Variants in TBCK observed in about 807,000 individuals in gnomAD.
The protein encoded by TBCK is TBC1 domain containing kinase, also known as TBC domain-containing protein kinase-like protein.
TBCK carries 99 observed loss-of-function variants against 113.4 expected under a neutral mutation model. That is an observed-to-expected ratio of 0.87 (90% CI 0.74 to 1.03). The LOEUF is 1.03. Among genes scored for constraint, TBCK ranks in the 50% least tolerant of loss-of-function variants. TBCK has a pLI of 0.00. For missense variants in TBCK, 1,045 were observed against 1,061.3 expected (o/e 0.98, Z 0.21); for synonymous variants, 369 against 370.8 (o/e 1.00, Z 0.05).
chr4:106,062,691 G>A (rs1417024932), intron 25 of TBCK, among the ~76,000 whole-genome samples: 1 of 151,826 alleles, frequency 6.6e-6, no homozygotes, highest in Non-Finnish European at 1.5e-5. Context: ...ATGGTGGGCT[G>A]TGGAGTACAG....
chr4:106,206,942 T>C (rs934146302), intron 20 of TBCK, among the ~76,000 whole-genome samples: 2 of 152,170 alleles, frequency 1.3e-5, no homozygotes, highest in African/African-American at 4.8e-5. Context: ...TCCTTATCAT[T>C]TCTCTTAATG....
chr4:106,107,873 A>G (rs1244525695), intron 24 of TBCK, among the ~76,000 whole-genome samples: 1 of 152,162 alleles, frequency 6.6e-6, no homozygotes, highest in Non-Finnish European at 1.5e-5. Flanking sequence ...AATTAACAAG[A>G]TAGGCCACTA....
At chr4:106,167,387 C>T (rs1750525086) in intron 23 of TBCK, among the ~76,000 whole-genome samples, 1 of 150,736 alleles carries the variant, frequency 6.6e-6, no homozygotes, top group African/African-American at 2.4e-5. Context: ...AAAAACAATG[C>T]TCAGAGGAAA....
Position 106,139,553 on chromosome 4 carries a change from T to C in TBCK, c.2236-23175A>G, listed in dbSNP as rs1286993832. Among the ~76,000 whole-genome samples the C allele has an allele frequency of 3.5e-5, 5 of 141,230 alleles. 2 individuals are homozygous for C. Among genetic ancestry groups the C allele is most frequent in the Admixed American group, 1.4e-4 (2 of 14,302 alleles). The allele number at this position is 141,230 out of a possible 152,430, so 92.7% of individuals were successfully genotyped here. A position where few individuals can be genotyped will look rare whatever the true frequency, so the allele number is the denominator to read the frequency against. ...ATCCCAGATGATTCTTACAAGAATA[T>C]AGCTACAGAAGCATCAATGTCTACA... On this transcript the variant is annotated intron_variant, in intron 23 of 25. Coordinates refer to ENST00000394708, the MANE Select transcript of TBCK (RefSeq NM_001163435.3).
intron 25 of TBCK, among the ~76,000 whole-genome samples, chr4:106,051,255 G>T (rs1734775769): frequency 1.3e-5 from 2 of 151,900 alleles, no homozygotes; most frequent in Non-Finnish European, 2.9e-5. Flanking sequence ...AGGAAACTAA[G>T]AAAGTTTGGG....
chr4:106,235,416 T>C (rs1206467236), intron 14 of TBCK, 49 bp from the exon 15 acceptor site: 1 of 1,302,882 alleles, frequency 7.7e-7, no homozygotes, highest in Non-Finnish European at 1.1e-6. Context: ...CCTAGTGCCA[T>C]CTTTTAGTCT....
rs746160750 is a variant in TBCK, at chr4:106,244,758, T to C, written c.938A>G (p.Asn313Ser). 1.9e-6 allele frequency: 3 copies of C among 1,574,562 alleles called. No individual in the cohort carries two copies. The highest frequency in any genetic ancestry group is 2.3e-5 in the East Asian group (1 of 44,394). The change falls in exon 11 of 26, where the codon AAT becomes AGT. Residue 313 changes from asparagine (N) to serine (S), a missense_variant. Physicochemically the swap from Asn to Ser is conservative, Grantham distance 46. Coordinates refer to ENST00000394708, the MANE Select transcript of TBCK (RefSeq NM_001163435.3). Reference sequence around the variant, plus strand: ...AGATCTTTCTGCCAGGTAATCATTATTTATATCTATTAAAAGCAAATTTAA... The same window carrying C: ...AGATCTTTCTGCCAGGTAATCATTACTTATATCTATTAAAAGCAAATTTAA... ...EDISQLCKDI[N>S]NDYLAERSIE...
intron 25 of TBCK, among the ~76,000 whole-genome samples, chr4:106,080,255 C>A (rs953525921): frequency 6.6e-6 from 1 of 151,354 alleles, no homozygotes; most frequent in Non-Finnish European, 1.5e-5. Context: ...AAAGAGCCAT[C>A]ACACTTCCTG....
At chr4:106,181,412 C>T (rs992275505) in intron 22 of TBCK, among the ~76,000 whole-genome samples, 44 of 152,228 alleles carry the variant, frequency 2.9e-4, no homozygotes, top group African/African-American at 1.0e-3. Context: ...GTTGCCATTG[C>T]TTTTGGTGTT....
intron 23 of TBCK, among the ~76,000 whole-genome samples, chr4:106,124,858 G>C (rs567238659): frequency 1.2e-4 from 18 of 151,662 alleles, no homozygotes; most frequent in African/African-American, 1.7e-4. Flanking sequence ...TTGTGGGCTG[G>C]GGGGAGGGGG....
intron 3 of TBCK, among the ~76,000 whole-genome samples, chr4:106,277,396 C>G (rs1764146658): frequency 6.6e-6 from 1 of 152,032 alleles, no homozygotes; most frequent in Non-Finnish European, 1.5e-5. Context: ...CTTAACAGGG[C>G]ATTTATATCA....
chr4:106,180,575 T>A (rs1752237363), intron 22 of TBCK, among the ~76,000 whole-genome samples: 1 of 152,008 alleles, frequency 6.6e-6, no homozygotes, highest in Non-Finnish European at 1.5e-5. Context: ...GATGTTCCCC[T>A]CTCTGTGTCC....
At chr4:106,070,026 T>G (rs1030176707) in intron 25 of TBCK, among the ~76,000 whole-genome samples, 11 of 152,248 alleles carry the variant, frequency 7.2e-5, no homozygotes, top group African/African-American at 2.2e-4. Flanking sequence ...CTTATCAGCT[T>G]AAGGAGATTT....
At chr4:106,253,001 A>G (rs1761598285) in intron 5 of TBCK, among the ~76,000 whole-genome samples, 1 of 152,128 alleles carries the variant, frequency 6.6e-6, no homozygotes. Flanking sequence ...TAAAGAAGAA[A>G]GCTTCAATGA....
chr4:106,283,527 T>A (rs1185408560), intron 3 of TBCK, among the ~76,000 whole-genome samples: 2 of 152,156 alleles, frequency 1.3e-5, no homozygotes, highest in Admixed American at 6.5e-5. Flanking sequence ...ATAACAGGGT[T>A]GAGCAAAAAG....
At chr4:106,298,754 A>T (rs763624441) in intron 2 of TBCK, among the ~76,000 whole-genome samples, 3 of 152,258 alleles carry the variant, frequency 2.0e-5, no homozygotes, top group Non-Finnish European at 4.4e-5. Context: ...AAGAAAAAAG[A>T]AAATCATACC....
At chr4:106,285,798 C>A (rs1485916237) in intron 3 of TBCK, among the ~76,000 whole-genome samples, 2 of 152,134 alleles carry the variant, frequency 1.3e-5, no homozygotes, top group South Asian at 4.1e-4. Context: ...GCCCTTCTTG[C>A]AGGTGCAGGT....
At chr4:106,091,771 T>G (rs1740275802) in intron 25 of TBCK, among the ~76,000 whole-genome samples, 1 of 152,198 alleles carries the variant, frequency 6.6e-6, no homozygotes, top group African/African-American at 2.4e-5. Flanking sequence ...GAACAAAGCT[T>G]CCACAGTGTG....
intron 25 of TBCK, among the ~76,000 whole-genome samples, chr4:106,094,035 C>T (rs1295736171): frequency 1.3e-5 from 2 of 151,996 alleles, no homozygotes; most frequent in Non-Finnish European, 2.9e-5. Context: ...CTATTCCTCT[C>T]GATTTTGCTC....
Sources: gnomAD v4.1 joint callset for allele counts (sites outside exome capture counted in the v4.1 genomes callset) on GRCh38, gnomAD v4.1.1 for gene constraint, MANE v1.5 for transcripts, NCBI Gene and HGNC (gene_info 2026-07-23, HGNC 2026-07-21) for gene names.